Variants in CENPP observed in about 807,000 individuals in gnomAD.
CENPP encodes the protein centromere protein P.
A neutral mutation model predicts 35.6 loss-of-function variants in CENPP; 24 were observed. The observed-to-expected ratio is 0.67, with a 90% CI of 0.49 to 0.95. The LOEUF (loss-of-function observed/expected upper bound fraction) is 0.95, where lower values mean the gene tolerates loss of function less well. CENPP is among the 40% of genes least tolerant of loss of function. The pLI is 0.00. For synonymous variants in CENPP, 120 were observed against 125.5 expected (o/e 0.96, Z 0.29); for missense variants, 332 against 345.3 (o/e 0.96, Z 0.31).
At position 92,354,403 on chromosome 9, in the gene CENPP, G is replaced by C. The variant is rs577954561; in HGVS notation, c.467+8616G>C. The stretch of plus-strand genomic sequence containing the variant: ...GGAAGTCCTTGTTGCTGAGCCATGC[G>C]TAACCTCCATCCCTGCCACCATGGC... On this transcript the variant is annotated intron_variant, in intron 4 of 7. Coordinates refer to ENST00000375587, the MANE Select transcript of CENPP (RefSeq NM_001012267.3). 1.3e-5 allele frequency among the ~76,000 whole-genome samples: 2 copies of C among 152,198 alleles called. 1 individual carries two copies. The highest frequency in any genetic ancestry group is 2.9e-5 in the Non-Finnish European group (2 of 68,040).
At chr9:92,543,572 G>C (rs1300860127) in intron 5 of CENPP, among the ~76,000 whole-genome samples, 1 of 142,794 alleles carries the variant, frequency 7.0e-6, no homozygotes, top group Non-Finnish European at 1.5e-5. Flanking sequence ...TTTCTGTTAA[G>C]AATGACATTG....
intron 5 of CENPP, among the ~76,000 whole-genome samples, chr9:92,546,479 C>T (rs777748226): frequency 4.6e-5 from 7 of 152,154 alleles, no homozygotes; most frequent in African/African-American, 2.4e-5. Flanking sequence ...AGCGAGTCCA[C>T]GAACCCACTG....
chr9:92,373,139 T>C (rs919421978), intron 4 of CENPP, among the ~76,000 whole-genome samples: 2 of 152,160 alleles, frequency 1.3e-5, no homozygotes, highest in African/African-American at 4.8e-5. Flanking sequence ...GTTTTTTAAT[T>C]TGGCCATGCA....
intron 5 of CENPP, among the ~76,000 whole-genome samples, chr9:92,419,665 A>G (rs1205451961): frequency 1.3e-5 from 2 of 152,216 alleles, no homozygotes; most frequent in Non-Finnish European, 2.9e-5. Flanking sequence ...CTATGCATGT[A>G]CAAGTACTTT....
intron 5 of CENPP, chr9:92,517,626 A>G (rs1171000431): frequency 6.2e-7 from 1 of 1,601,464 alleles, no homozygotes; most frequent in South Asian, 1.1e-5. Context: ...TTAGTAACAA[A>G]AACAAATGGA....
At chr9:92,456,971 T>C (rs2131033870) in intron 5 of CENPP, 1 of 1,087,272 alleles carries the variant, frequency 9.2e-7, no homozygotes, top group East Asian at 6.9e-5. Flanking sequence ...AAAATATGCT[T>C]GATAACAAAG....
chr9:92,569,555 A>T (rs538749104), intron 5 of CENPP, among the ~76,000 whole-genome samples: 1 of 152,008 alleles, frequency 6.6e-6, no homozygotes, highest in Non-Finnish European at 1.5e-5. Context: ...ATTGTCTTGG[A>T]AATGCGGGCT....
chr9:92,422,524 G>T (rs1843838249), intron 5 of CENPP, among the ~76,000 whole-genome samples: 1 of 152,170 alleles, frequency 6.6e-6, no homozygotes, highest in African/African-American at 2.4e-5. Context: ...AAATAAAGAG[G>T]TTTTTAATAT....
intron 5 of CENPP, among the ~76,000 whole-genome samples, chr9:92,462,216 G>A (rs1351541439): frequency 6.6e-6 from 1 of 152,160 alleles, no homozygotes; most frequent in African/African-American, 2.4e-5. Flanking sequence ...GACCTCAAGC[G>A]ATCCGCCTAC....
rs930640760 is a variant in CENPP, at chr9:92,457,633, C to T, written c.564+77774C>T. ...TTTTCAGGTAAAGTAGATGTACTCACTTATGCATGTTAAATACCTATTATA... is the reference window on the plus strand; with the variant it reads ...TTTTCAGGTAAAGTAGATGTACTCATTTATGCATGTTAAATACCTATTATA... On this transcript the variant is annotated intron_variant, in intron 5 of 7. Transcript: ENST00000375587. The T allele has an allele frequency of 1.2e-5, 8 of 648,808 alleles. No individual in the cohort carries two copies. In the Admixed American group the frequency reaches 2.1e-4, roughly 17 times the overall value. The allele number at this position is 648,808 out of a possible 1,614,324, so 40.2% of individuals were successfully genotyped here. A position where few individuals can be genotyped will look rare whatever the true frequency, so the allele number is the denominator to read the frequency against.
intron 2 of CENPP, among the ~76,000 whole-genome samples, chr9:92,334,172 G>C (rs1263081443): frequency 4.0e-5 from 6 of 149,528 alleles, no homozygotes; most frequent in African/African-American, 7.5e-5. Context: ...CCAGGCTGGA[G>C]TGCAGTGGTA....
intron 5 of CENPP, chr9:92,417,247 C>T (rs1230940757): frequency 6.2e-7 from 1 of 1,613,864 alleles, no homozygotes; most frequent in Non-Finnish European, 8.5e-7. Flanking sequence ...CAGTCACAGC[C>T]TCAATTTCAT....
intron 5 of CENPP, among the ~76,000 whole-genome samples, chr9:92,397,094 T>G (rs1842921418): frequency 6.6e-6 from 1 of 151,866 alleles, no homozygotes; most frequent in South Asian, 2.1e-4. Flanking sequence ...GGAGGATTGC[T>G]GGAGCCCAGG....
rs201783241 is a variant in CENPP at position 92,611,305 on chromosome 9, C to T, written c.565-9C>T. On this transcript the variant is annotated splice_polypyrimidine_tract_variant and intron_variant, in intron 5 of 7. Coordinates refer to ENST00000375587, the MANE Select transcript of CENPP (RefSeq NM_001012267.3). ...TGGATCTGTCTACCCGTTTCTTCTC[C>T]CCATGCAGGAAAAGTACCCAGATGC... The T allele has an allele frequency of 6.2e-6, 10 of 1,612,306 alleles. No individual in the cohort carries two copies. Among genetic ancestry groups the T allele is most frequent in the Non-Finnish European group, 7.6e-6 (9 of 1,178,702 alleles).
intron 5 of CENPP, among the ~76,000 whole-genome samples, chr9:92,400,916 C>T (rs980479748): frequency 2.6e-5 from 4 of 152,206 alleles, no homozygotes; most frequent in African/African-American, 9.6e-5. Context: ...ACATTTCTCA[C>T]TCATAATGTG....
At chr9:92,596,268 G>A (rs1419641973) in intron 5 of CENPP, among the ~76,000 whole-genome samples, 7 of 151,890 alleles carry the variant, frequency 4.6e-5, no homozygotes, top group African/African-American at 1.7e-4. Context: ...CAAGTAGCTA[G>A]GGCTACAGGC....
At chr9:92,349,115 A>G (rs1841378304) in intron 4 of CENPP, among the ~76,000 whole-genome samples, 1 of 152,152 alleles carries the variant, frequency 6.6e-6, no homozygotes, top group Admixed American at 6.5e-5. Flanking sequence ...TTGTCCCAGC[A>G]TTTGGATGCT....
chr9:92,570,526 G>C (rs1850109100), intron 5 of CENPP, among the ~76,000 whole-genome samples: 1 of 152,224 alleles, frequency 6.6e-6, no homozygotes, highest in South Asian at 2.1e-4. Context: ...CAGGGATATT[G>C]GTCTAAAATG....
intron 5 of CENPP, among the ~76,000 whole-genome samples, chr9:92,441,948 T>G (rs959435770): frequency 6.6e-6 from 1 of 152,150 alleles, no homozygotes; most frequent in Non-Finnish European, 1.5e-5. Context: ...GTAATTGTAT[T>G]GTAGTTAATG....
Sources: gnomAD v4.1 joint callset for allele counts (sites outside exome capture counted in the v4.1 genomes callset) on GRCh38, gnomAD v4.1.1 for gene constraint, MANE v1.5 for transcripts, NCBI Gene and HGNC (gene_info 2026-07-23, HGNC 2026-07-21) for gene names.